Variants in CAMK4 observed in about 807,000 individuals in gnomAD.
The protein encoded by CAMK4 is calcium/calmodulin-dependent protein kinase type IV.
CAMK4 carries 22 observed loss-of-function variants against 44.9 expected under a neutral mutation model. The observed-to-expected ratio is 0.49, with a 90% confidence interval of 0.35 to 0.70. CAMK4 has a LOEUF of 0.70. CAMK4 is among the 30% of genes least tolerant of loss of function. The probability of loss-of-function intolerance (pLI) is 0.01; values close to 1 mark genes in which losing one functional copy is unlikely to be tolerated. For synonymous variants in CAMK4, 218 were observed against 215.4 expected (o/e 1.01, Z -0.11); for missense variants, 498 against 586.8 (o/e 0.85, Z 1.56).
chr5:111,225,492 A>G (rs751073024), intron 1 of CAMK4, among the ~76,000 whole-genome samples: 45 of 151,724 alleles, frequency 3.0e-4, no homozygotes, highest in Admixed American at 5.2e-4. Context: ...TCTGTTATCC[A>G]TAGGTAAGGA....
At position 111,488,169 on chromosome 5, in the gene CAMK4, A is replaced by G. The variant is rs1001131600; in HGVS notation, c.*3703A>G. 2 of 152,220 alleles carry G rather than the reference A, an allele frequency of 1.3e-5. No individual in the cohort carries two copies. Among genetic ancestry groups the G allele is most frequent in the Admixed American group, 1.3e-4 (2 of 15,280 alleles). 9.4% of individuals were successfully genotyped at this position (152,220 alleles called of 1,614,324 possible). On this transcript the variant is annotated 3_prime_UTR_variant, in exon 11 of 11. Coordinates refer to ENST00000282356, the MANE Select transcript of CAMK4 (RefSeq NM_001744.6). ...TGAGGCCTGGATTAAGCTTCATGCC[A>G]TCCTTGTATCACAGGCAATATGTCT...
intron 8 of CAMK4, among the ~76,000 whole-genome samples, chr5:111,474,841 G>T (rs1317461594): frequency 6.6e-6 from 1 of 152,156 alleles, no homozygotes; most frequent in African/African-American, 2.4e-5. Flanking sequence ...AAGATATTTT[G>T]TGTGCTCAAT....
intron 1 of CAMK4, among the ~76,000 whole-genome samples, chr5:111,260,509 C>G (rs546490530): frequency 1.3e-5 from 2 of 152,234 alleles, no homozygotes; most frequent in Admixed American, 1.3e-4. Context: ...CTCTTGTCTT[C>G]CTATATTTTC....
At chr5:111,239,647 G>A (rs907079440) in intron 1 of CAMK4, among the ~76,000 whole-genome samples, 1 of 152,178 alleles carries the variant, frequency 6.6e-6, no homozygotes, top group Non-Finnish European at 1.5e-5. Context: ...TTGAGCCTCA[G>A]CTTCTCCACC....
At chr5:111,475,958 A>C (rs1004674473) in intron 8 of CAMK4, among the ~76,000 whole-genome samples, 4 of 152,234 alleles carry the variant, frequency 2.6e-5, no homozygotes, top group Non-Finnish European at 4.4e-5. Flanking sequence ...CAAATGAAGA[A>C]TTAGAACTAA....
chr5:111,400,904 T>G (rs934916404), intron 5 of CAMK4, among the ~76,000 whole-genome samples: 5 of 152,156 alleles, frequency 3.3e-5, no homozygotes, highest in African/African-American at 1.2e-4. Flanking sequence ...CCCTCTCCTC[T>G]GATACTTAAT....
chr5:111,404,004 G>A (rs1159756668), intron 5 of CAMK4, among the ~76,000 whole-genome samples: 1 of 152,196 alleles, frequency 6.6e-6, no homozygotes, highest in South Asian at 2.1e-4. Context: ...GTTACAGGCT[G>A]TAAGGTGACC....
intron 1 of CAMK4, among the ~76,000 whole-genome samples, chr5:111,273,706 T>TAG (rs1750627612): frequency 1.8e-5 from 1 of 54,166 alleles, no homozygotes; most frequent in African/African-American, 1.2e-4. Context: ...TATATATATA[T>TAG]ATATATATAT....
intron 4 of CAMK4, among the ~76,000 whole-genome samples, chr5:111,385,478 A>G (rs149724643): frequency 6.6e-6 from 1 of 152,184 alleles, no homozygotes; most frequent in East Asian, 1.9e-4. Context: ...TCAATTTTAA[A>G]AGCTGGGCTA....
intron 1 of CAMK4, among the ~76,000 whole-genome samples, chr5:111,273,745 GCT>G (rs201353650): frequency 0.032 from 1,685 of 52,504 alleles, 64 homozygotes; most frequent in African/African-American, 0.09. Flanking sequence ...ACACACACAC[GCT>G]CACACACACA....
chr5:111,422,836 A>G lies in CAMK4; in HGVS notation c.460-23850A>G, dbSNP rs1191500399. On this transcript the variant is annotated intron_variant, in intron 5 of 10. Transcript: ENST00000282356. The stretch of plus-strand genomic sequence containing the variant: ...ATTCACTTTCCTGAAATCCTGTGGC[A>G]TTTTATGCTCAGTTTGTAGCACTTA... Among the ~76,000 whole-genome samples the G allele has an allele frequency of 3.3e-5, 5 of 152,146 alleles. No individual in the cohort carries two copies. The South Asian group carries it at 1.0e-3, about 32-fold the overall frequency.
intron 5 of CAMK4, among the ~76,000 whole-genome samples, chr5:111,397,805 G>C (rs1561462036): frequency 6.6e-6 from 1 of 151,896 alleles, no homozygotes; most frequent in Non-Finnish European, 1.5e-5. Context: ...ATTATTCTCT[G>C]ATATCACATG....
rs1260372152 is a variant in CAMK4 at position 111,241,996 on chromosome 5, T to G, written c.161+17352T>G. The stretch of plus-strand genomic sequence containing the variant: ...AATAATTCATGGCAGGAACAGCCCT[T>G]ATTTAAGATGGACTGTTGGAACTTC... On this transcript the variant is annotated intron_variant, in intron 1 of 10. Coordinates refer to ENST00000282356, the MANE Select transcript of CAMK4 (RefSeq NM_001744.6). Among the ~76,000 whole-genome samples, 3 of 152,296 alleles carry G rather than the reference T, an allele frequency of 2.0e-5. No homozygotes were observed. The East Asian group carries it at 5.8e-4, about 29-fold the overall frequency.
chr5:111,332,740 A>G (rs1325378445), intron 1 of CAMK4, among the ~76,000 whole-genome samples: 2 of 151,660 alleles, frequency 1.3e-5, no homozygotes, highest in Admixed American at 1.3e-4. Flanking sequence ...GCCTGACTTC[A>G]GGGATTACAA....
chr5:111,349,224 A>G (rs944038497), intron 2 of CAMK4, among the ~76,000 whole-genome samples: 5 of 152,002 alleles, frequency 3.3e-5, no homozygotes, highest in Admixed American at 2.6e-4. Context: ...TTCCCCATGC[A>G]TGCTACATTA....
At chr5:111,335,602 C>G (rs1161092754) in intron 1 of CAMK4, among the ~76,000 whole-genome samples, 1 of 151,318 alleles carries the variant, frequency 6.6e-6, no homozygotes, top group Non-Finnish European at 1.5e-5. Context: ...GGCCAACTGA[C>G]AGATGAAGAG....
intron 1 of CAMK4, among the ~76,000 whole-genome samples, chr5:111,255,388 AGTGG>A (rs2112549573): frequency 6.6e-6 from 1 of 152,300 alleles, no homozygotes; most frequent in South Asian, 2.1e-4. Context: ...TGATAATCTG[AGTGG>A]GTTTTCTTGG....
chr5:111,368,039 C>T (rs528114193), intron 2 of CAMK4, among the ~76,000 whole-genome samples: 2 of 152,152 alleles, frequency 1.3e-5, no homozygotes, highest in African/African-American at 4.8e-5. Context: ...ATCCATGCCT[C>T]ATGTGTTTTT....
At chr5:111,433,789 A>G (rs891082705) in intron 5 of CAMK4, among the ~76,000 whole-genome samples, 3 of 152,234 alleles carry the variant, frequency 2.0e-5, no homozygotes, top group Non-Finnish European at 4.4e-5. Flanking sequence ...TGGCTAGGGC[A>G]TGGCAAGAAT....
Sources: allele counts gnomAD v4.1 joint callset (sites outside exome capture counted in the v4.1 genomes callset), GRCh38; gene constraint gnomAD v4.1.1; transcripts MANE v1.5; gene names NCBI Gene and HGNC (gene_info 2026-07-23, HGNC 2026-07-21).